The following LIPA variants were observed in gnomAD, a reference collection of about 807,000 sequenced individuals.
LIPA encodes the protein lysosomal acid lipase/cholesteryl ester hydrolase.
A neutral mutation model predicts 40.6 loss-of-function variants in LIPA; 26 were observed. That is an observed-to-expected ratio of 0.64 (90% confidence interval 0.47 to 0.89). The LOEUF is 0.89. Ranked by LOEUF, LIPA falls within the 40% of genes least tolerant of loss-of-function variation. LIPA has a pLI of 0.00. For missense variants in LIPA, 455 were observed against 479.6 expected (o/e 0.95, Z 0.48); for synonymous variants, 188 against 168.4 (o/e 1.12, Z -0.90).
At chr10:89,247,005 T>C (rs1316917401) in intron 2 of LIPA, among the ~76,000 whole-genome samples, 2 of 152,150 alleles carry the variant, frequency 1.3e-5, no homozygotes, top group Non-Finnish European at 2.9e-5. Flanking sequence ...AAGAAGTATA[T>C]ATAACATTAA....
At chr10:89,297,214 A>C (rs1442759161) in intron 1 of LIPA, among the ~76,000 whole-genome samples, 1 of 152,208 alleles carries the variant, frequency 6.6e-6, no homozygotes, top group African/African-American at 2.4e-5. Context: ...TCAGCAGTCC[A>C]CATCCCTCCT....
At chr10:89,220,691 A>C (rs942818799) in intron 8 of LIPA, among the ~76,000 whole-genome samples, 1 of 152,170 alleles carries the variant, frequency 6.6e-6, no homozygotes, top group Non-Finnish European at 1.5e-5. Flanking sequence ...AAGGACCAGG[A>C]GCCTCAGGCC....
chr10:89,292,364 C>T (rs1160603411), intron 1 of LIPA: 3 of 152,122 alleles, frequency 2.0e-5, no homozygotes, highest in African/African-American at 7.2e-5. Context: ...CTGTGGCCAA[C>T]AAAGCGAATA....
intron 1 of LIPA, among the ~76,000 whole-genome samples, chr10:89,283,486 T>C (rs1012515437): frequency 2.0e-5 from 3 of 152,214 alleles, no homozygotes; most frequent in African/African-American, 7.2e-5. Context: ...TGACAACAGT[T>C]CTCCGGAATC....
chr10:89,306,789 C>G (rs758912657), intron 1 of LIPA: 3 of 1,613,932 alleles, frequency 1.9e-6, no homozygotes, highest in Admixed American at 1.7e-5. Context: ...GAATACATAC[C>G]AAACAATGCC....
chr10:89,244,666 T>G (rs1218779994), intron 3 of LIPA, among the ~76,000 whole-genome samples: 1 of 152,158 alleles, frequency 6.6e-6, no homozygotes, highest in Non-Finnish European at 1.5e-5. Context: ...TGCTTAATAA[T>G]TTCAATCAGT....
intron 2 of LIPA, among the ~76,000 whole-genome samples, chr10:89,361,919 G>T: frequency 1.1e-5 from 1 of 92,946 alleles, no homozygotes; most frequent in Non-Finnish European, 1.9e-5. Context: ...TTTTGAGACA[G>T]GATCTCATTG....
intron 2 of LIPA, among the ~76,000 whole-genome samples, chr10:89,362,019 C>T (rs1844025585): frequency 6.6e-6 from 1 of 151,330 alleles, no homozygotes; most frequent in Admixed American, 6.6e-5. Context: ...CTACCTCAGC[C>T]TCCCTGAGTA....
At chr10:89,275,342 A>G (rs1053863509) in intron 1 of LIPA, among the ~76,000 whole-genome samples, 4 of 152,162 alleles carry the variant, frequency 2.6e-5, no homozygotes, top group Admixed American at 2.0e-4. Context: ...GTGTGTAGTT[A>G]GCTCCATGAT....
chr10:89,300,424 T>C (rs561692981), intron 1 of LIPA, among the ~76,000 whole-genome samples: 14 of 152,334 alleles, frequency 9.2e-5, no homozygotes, highest in African/African-American at 3.4e-4. Context: ...CTTTAAATGA[T>C]ACCAACACAT....
rs373299162 is a variant in LIPA at position 89,405,371 on chromosome 10, A to G, written c.61+7420T>C. 8 of 152,378 alleles carry G rather than the reference A, an allele frequency of 5.3e-5. No homozygotes were observed. The East Asian group carries it at 9.6e-4, about 18-fold the overall frequency. The allele number at this position is 152,378 out of a possible 1,614,324, so 9.4% of individuals were successfully genotyped here. A position where few individuals can be genotyped will look rare whatever the true frequency, so the allele number is the denominator to read the frequency against. Reference sequence around the variant, plus strand: ...ATATTTTATTGAAAGGCAAGGCACAACAAATAATAAGAAGGAAAAAATAAA... The same window carrying G: ...ATATTTTATTGAAAGGCAAGGCACAGCAAATAATAAGAAGGAAAAAATAAA... On this transcript the variant is annotated intron_variant, in intron 2 of 8. Coordinates refer to the LIPA transcript ENST00000371837.
chr10:89,307,524 C>A, intron 1 of LIPA: 1 of 651,378 alleles, frequency 1.5e-6, no homozygotes, highest in Non-Finnish European at 2.6e-6. Flanking sequence ...ATGTTAACAC[C>A]TGAATTGCTG....
intron 2 of LIPA, among the ~76,000 whole-genome samples, chr10:89,349,755 G>A (rs1318425525): frequency 6.6e-6 from 1 of 152,222 alleles, no homozygotes; most frequent in Non-Finnish European, 1.5e-5. Flanking sequence ...TTATAAATCA[G>A]TAATGCAATT....
At chr10:89,313,188 G>A (rs1843524664) in intron 1 of LIPA, among the ~76,000 whole-genome samples, 1 of 152,194 alleles carries the variant, frequency 6.6e-6, no homozygotes, top group South Asian at 2.1e-4. Flanking sequence ...TCTGGGTGGA[G>A]CCTGAGACTC....
rs150635335 is a variant in LIPA at position 89,339,093 on chromosome 10, A to G, written c.-2+3518T>C. On this transcript the variant is annotated intron_variant, in intron 1 of 5. Coordinates refer to the LIPA transcript ENST00000282673. ...TTGACTGTGAGGAAGGGTGGACACA[A>G]CTGAAGTGTGGAAGAAATGAAAGGG... The G allele has an allele frequency of 1.3e-4, 211 of 1,614,128 alleles. 1 individual carries two copies. The African/African-American group carries it at 2.3e-3, about 18-fold the overall frequency.
At chr10:89,315,201 C>T (rs1311804604) in intron 1 of LIPA, among the ~76,000 whole-genome samples, 1 of 152,146 alleles carries the variant, frequency 6.6e-6, no homozygotes, top group Non-Finnish European at 1.5e-5. Context: ...AAGGCACCTT[C>T]TAACTGGGTA....
chr10:89,229,752 CAAA>C (rs11388104), intron 3 of LIPA, among the ~76,000 whole-genome samples: 4 of 115,822 alleles, frequency 3.5e-5, no homozygotes, highest in Non-Finnish European at 3.6e-5. Flanking sequence ...GACTCAGTCT[CAAA>C]AAAAAAAAAA....
chr10:89,402,512 A>T, intron 2 of LIPA: 1 of 1,614,212 alleles, frequency 6.2e-7, no homozygotes, highest in Non-Finnish European at 8.5e-7. Flanking sequence ...AAGAAGCTGA[A>T]AACTTAATGC....
chr10:89,220,238 G>A (rs909793361), intron 8 of LIPA, among the ~76,000 whole-genome samples: 4 of 152,200 alleles, frequency 2.6e-5, no homozygotes, highest in Admixed American at 2.0e-4. Context: ...TGTACTGTGT[G>A]TGGGCTGCTG....
Sources: allele counts gnomAD v4.1 joint callset (sites outside exome capture counted in the v4.1 genomes callset), GRCh38; gene constraint gnomAD v4.1.1; transcripts MANE v1.5; gene names NCBI Gene and HGNC (gene_info 2026-07-23, HGNC 2026-07-21).